The following POMT2 variants were observed in gnomAD, a reference collection of about 807,000 sequenced individuals.
The protein encoded by POMT2 is protein O-mannosyltransferase 2, also known as protein O-mannosyl-transferase 2.
A neutral mutation model predicts 100.0 loss-of-function variants in POMT2; 75 were observed. The observed-to-expected ratio is 0.75, with a 90% CI of 0.62 to 0.91. The LOEUF is 0.91. POMT2 is among the 40% of genes least tolerant of loss of function. The pLI is 0.00. For synonymous variants in POMT2, 378 were observed against 374.1 expected, an observed-to-expected ratio of 1.01 and a Z score of -0.12; for missense variants, 940 against 955.1, an observed-to-expected ratio of 0.98 and a Z score of 0.21.
intron 9 of POMT2, among the ~76,000 whole-genome samples, chr14:77,292,162 G>A (rs929703972): frequency 6.6e-6 from 1 of 152,046 alleles, no homozygotes; most frequent in African/African-American, 2.4e-5. Context: ...TTTAACTCAC[G>A]TTTTATACAA....
At chr14:77,279,801 G>A in intron 18 of POMT2, 22 bp downstream of exon 18, 1 of 1,606,578 alleles carries the variant, frequency 6.2e-7, no homozygotes, top group Non-Finnish European at 8.5e-7. Context: ...GGTCAGGGGA[G>A]GGAGAGCCCA....
rs766683771 is a variant in POMT2, at chr14:77,286,825, A to G, written c.1254-3T>C. On this transcript the variant is annotated splice_region_variant and splice_polypyrimidine_tract_variant and intron_variant, in intron 11 of 20. Transcript: ENST00000261534. ...GACTGTGCAAGTTCCGGGAAGTTCT[A>G]GAAGTTAGAAAAGAGAAGTGTCATT... 1.9e-6 allele frequency: 3 copies of G among 1,614,202 alleles called. No individual in the cohort carries two copies. Among genetic ancestry groups the G allele is most frequent in the Non-Finnish European group, 2.5e-6 (3 of 1,180,036 alleles).
chr14:77,304,940 A>G, intron 3 of POMT2, 140 bp from the exon 4 acceptor site: 2 of 1,429,576 alleles, frequency 1.4e-6, no homozygotes, highest in South Asian at 1.2e-5. Flanking sequence ...TAGGATATCT[A>G]TAACTAAGAA....
At chr14:77,310,240 A>G (rs532114490) in intron 2 of POMT2, among the ~76,000 whole-genome samples, 1 of 152,338 alleles carries the variant, frequency 6.6e-6, no homozygotes, top group South Asian at 2.1e-4. Context: ...CTGTGGTGTC[A>G]TGATTAAGAG....
At chr14:77,291,168 A>C (rs1890626050) in intron 10 of POMT2, 146 bp downstream of exon 10, 1 of 767,622 alleles carries the variant, frequency 1.3e-6, no homozygotes, top group South Asian at 1.5e-5. Flanking sequence ...ATAAATAATA[A>C]TTGAAAGGAT....
intron 18 of POMT2, chr14:77,279,130 C>G (rs370297950): frequency 9.1e-6 from 5 of 552,338 alleles, no homozygotes; most frequent in African/African-American, 5.7e-5. Context: ...TCTAAAGAAA[C>G]CCTTCTGCGC....
At chr14:77,279,622 T>A (rs1280684393) in intron 18 of POMT2, 10 of 695,162 alleles carry the variant, frequency 1.4e-5, no homozygotes, top group South Asian at 1.3e-4. Flanking sequence ...TAGCCAACGC[T>A]CTAGTGTTGT....
intron 1 of POMT2, 73 bp downstream of exon 1, chr14:77,320,360 AC>A: frequency 6.5e-7 from 1 of 1,538,416 alleles, no homozygotes; most frequent in Non-Finnish European, 8.7e-7. Context: ...CCCCCTCCGT[AC>A]CCTCGGGCCA....
rs754277895 is a variant in POMT2 at position 77,277,166 on chromosome 14, C to T, written c.*210G>A. ...GCAGCCCAAGAGGCGCTGTCCTCTC[C>T]GTGGTGCTGTGGACGGAGCTGCGGC... is the stretch of plus-strand genomic sequence containing the variant. On this transcript the variant is annotated 3_prime_UTR_variant, in exon 21 of 21. Transcript: ENST00000261534. 16 of 591,252 alleles carry T rather than the reference C, an allele frequency of 2.7e-5. No individual in the cohort carries two copies. The highest frequency in any genetic ancestry group is 1.9e-4 in the South Asian group (10 of 53,684). 36.6% of individuals were successfully genotyped at this position (591,252 alleles called of 1,614,324 possible). A position where few individuals can be genotyped will look rare whatever the true frequency, so the allele number is the denominator to read the frequency against.
intron 17 of POMT2, 44 bp from the exon 18 acceptor site, chr14:77,279,972 C>T (rs375954864): frequency 6.2e-7 from 1 of 1,614,046 alleles, no homozygotes; most frequent in Admixed American, 1.7e-5. Context: ...CAGCCGCTCT[C>T]CACGGGCAAG....
chr14:77,281,252 T>C (rs796281894), intron 15 of POMT2, among the ~76,000 whole-genome samples: 2 of 152,008 alleles, frequency 1.3e-5, no homozygotes, highest in Non-Finnish European at 2.9e-5. Flanking sequence ...CTTCTCCACC[T>C]TTTTTTTCCA....
chr14:77,291,734 A>C (rs780121134), intron 9 of POMT2, among the ~76,000 whole-genome samples: 13 of 152,206 alleles, frequency 8.5e-5, no homozygotes, highest in Non-Finnish European at 1.2e-4. Flanking sequence ...ATTTAAGTGC[A>C]TTTTCAAAGT....
intron 5 of POMT2, among the ~76,000 whole-genome samples, chr14:77,302,180 T>C (rs1343768017): frequency 6.6e-6 from 1 of 152,182 alleles, no homozygotes; most frequent in Non-Finnish European, 1.5e-5. Flanking sequence ...CTGGTTTGAA[T>C]AGAATGAATG....
chr14:77,290,742 C>T (rs909574884), intron 10 of POMT2, among the ~76,000 whole-genome samples: 4 of 152,210 alleles, frequency 2.6e-5, no homozygotes, highest in East Asian at 1.9e-4. Context: ...TGCTTCAGAG[C>T]GCCTTCACCC....
At position 77,301,629 on chromosome 14, in the gene POMT2, C is replaced by T. The variant is rs146384115; in HGVS notation, c.657-380G>A. Among the ~76,000 whole-genome samples the T allele has an allele frequency of 1.1e-4, 17 of 152,288 alleles. No individual in the cohort carries two copies. The South Asian group carries it at 1.9e-3, about 17-fold the overall frequency. On this transcript the variant is annotated intron_variant, in intron 5 of 20. Coordinates refer to ENST00000261534, the MANE Select transcript of POMT2 (RefSeq NM_013382.7). ...TCCTTTGTGTCACCTCTGCCCTTGT[C>T]GAAGGCAGCATTTACCGAGTGCTTA... is the stretch of plus-strand genomic sequence containing the variant.
chr14:77,278,440 T>A lies in POMT2; in HGVS notation c.2101A>T (p.Ile701Leu), dbSNP rs146367996. The A allele has an allele frequency of 6.7e-7, 1 of 1,499,694 alleles. No individual in the cohort carries two copies. The highest frequency in any genetic ancestry group is 9.1e-7 in the Non-Finnish European group (1 of 1,099,576). 92.9% of individuals were successfully genotyped at this position (1,499,694 alleles called of 1,614,324 possible). A position where few individuals can be genotyped will look rare whatever the true frequency, so the allele number is the denominator to read the frequency against. The stretch of plus-strand genomic sequence containing the variant: ...AGGCTCAGGATTCCCGCCACATGTA[T>A]GCCCCTCGCCAGGGGCCATGAGGCC... The part of the protein sequence containing the change: ...GLASWPLARG[I>L]HVAGILSLLL... Residue 701 changes from isoleucine (I) to leucine (L), a missense_variant, in exon 20 of 21, where the codon ATA becomes TTA. Transcript: ENST00000261534.
At chr14:77,277,516 C>T (rs2140157373) in intron 20 of POMT2, 35 bp from the exon 21 acceptor site, 6 of 1,473,716 alleles carry the variant, frequency 4.1e-6, no homozygotes, top group Non-Finnish European at 4.8e-6. Flanking sequence ...CAGTTGGCAC[C>T]CCCAGTGCCT....
At chr14:77,284,198 C>T in intron 14 of POMT2, 1 of 383,468 alleles carries the variant, frequency 2.6e-6, no homozygotes, top group East Asian at 6.4e-5. Context: ...AGCTGCACAG[C>T]CCCCGAGTCA....
chr14:77,299,092 T>C (rs1279042881), intron 7 of POMT2, among the ~76,000 whole-genome samples: 2 of 152,242 alleles, frequency 1.3e-5, no homozygotes, highest in East Asian at 1.9e-4. Context: ...CAGTTCCTGA[T>C]TCTCAGTAGC....
Sources: allele counts gnomAD v4.1 joint callset (sites outside exome capture counted in the v4.1 genomes callset), GRCh38; gene constraint gnomAD v4.1.1; transcripts MANE v1.5; gene names NCBI Gene and HGNC (gene_info 2026-07-23, HGNC 2026-07-21).